The following EBF1 variants were observed in gnomAD, a reference collection of about 807,000 sequenced individuals.
The protein encoded by EBF1 is EBF transcription factor 1.
Under a neutral mutation model 68.4 loss-of-function variants are expected in EBF1, and 10 were observed. The observed-to-expected ratio is 0.15, with a 90% CI of 0.09 to 0.25. The LOEUF (loss-of-function observed/expected upper bound fraction) is 0.25, where lower values mean the gene tolerates loss of function less well. Among genes scored for constraint, EBF1 ranks in the 10% least tolerant of loss-of-function variants. The probability of loss-of-function intolerance (pLI) is 1.00; values close to 1 mark genes in which losing one functional copy is unlikely to be tolerated. For synonymous variants in EBF1, 298 were observed against 299.8 expected (o/e 0.99, Z 0.06); for missense variants, 509 against 794.4 (o/e 0.64, Z 4.32).
At chr5:158,898,038 A>C (rs1428134751) in intron 6 of EBF1, among the ~76,000 whole-genome samples, 1 of 152,212 alleles carries the variant, frequency 6.6e-6, no homozygotes, top group Non-Finnish European at 1.5e-5. Flanking sequence ...ACTGTGTAAA[A>C]GGGAATCTTT....
At chr5:158,804,554 C>A (rs1300862709) in intron 8 of EBF1, among the ~76,000 whole-genome samples, 1 of 152,090 alleles carries the variant, frequency 6.6e-6, no homozygotes, top group East Asian at 1.9e-4. Flanking sequence ...GGTTATTTGA[C>A]AATTTAGCAG....
intron 6 of EBF1, among the ~76,000 whole-genome samples, chr5:158,883,538 G>A (rs752541217): frequency 6.6e-5 from 10 of 152,092 alleles, no homozygotes; most frequent in Non-Finnish European, 1.2e-4. Flanking sequence ...AAAAGGCACT[G>A]TGCTCGCTTG....
At chr5:158,881,918 C>T (rs1048149127) in intron 6 of EBF1, among the ~76,000 whole-genome samples, 3 of 152,188 alleles carry the variant, frequency 2.0e-5, no homozygotes, top group Non-Finnish European at 2.9e-5. Flanking sequence ...ATCTGTCCCC[C>T]ACCTCCCTTC....
intron 10 of EBF1, among the ~76,000 whole-genome samples, chr5:158,756,673 T>C (rs964614911): frequency 2.2e-4 from 33 of 149,932 alleles, no homozygotes; most frequent in African/African-American, 8.2e-4. Flanking sequence ...TGCAGCTGCC[T>C]TTTTTTTTAA....
chr5:159,070,779 T>A (rs1468849625), intron 6 of EBF1, among the ~76,000 whole-genome samples: 2 of 152,234 alleles, frequency 1.3e-5, no homozygotes, highest in African/African-American at 4.8e-5. Flanking sequence ...ATGCATCTTT[T>A]GAAAACAGTT....
intron 6 of EBF1, among the ~76,000 whole-genome samples, chr5:158,904,762 G>A (rs1237213265): frequency 6.6e-6 from 1 of 152,106 alleles, no homozygotes; most frequent in African/African-American, 2.4e-5. Context: ...GTATATTGGT[G>A]ACTTCCCCTT....
At chr5:158,993,556 G>T (rs1452742568) in intron 6 of EBF1, among the ~76,000 whole-genome samples, 2 of 152,164 alleles carry the variant, frequency 1.3e-5, no homozygotes, top group Admixed American at 6.5e-5. Flanking sequence ...GAAAATAGTG[G>T]AATAAATATT....
At chr5:158,843,052 C>G (rs146010085) in intron 6 of EBF1, among the ~76,000 whole-genome samples, 1 of 152,136 alleles carries the variant, frequency 6.6e-6, no homozygotes, top group Admixed American at 6.5e-5. Flanking sequence ...TAAGATTAAT[C>G]GAACTACTAA....
intron 6 of EBF1, among the ~76,000 whole-genome samples, chr5:158,859,528 C>T (rs1008768952): frequency 6.6e-6 from 1 of 152,172 alleles, no homozygotes; most frequent in African/African-American, 2.4e-5. Flanking sequence ...GCTGTGAACA[C>T]CTAGAAGGGG....
At chr5:158,914,751 G>C (rs1014611101) in intron 6 of EBF1, among the ~76,000 whole-genome samples, 6 of 152,190 alleles carry the variant, frequency 3.9e-5, no homozygotes, top group African/African-American at 1.4e-4. Context: ...AGTACCGAGT[G>C]CCAAAAGATG....
At chr5:158,888,289 T>C (rs1220924094) in intron 6 of EBF1, among the ~76,000 whole-genome samples, 1 of 152,092 alleles carries the variant, frequency 6.6e-6, no homozygotes, top group African/African-American at 2.4e-5. Flanking sequence ...TGTGTGTGTT[T>C]GTTGTGTGTA....
intron 7 of EBF1, among the ~76,000 whole-genome samples, chr5:158,829,943 A>G (rs1452159808): frequency 7.9e-5 from 12 of 152,154 alleles, no homozygotes; most frequent in Non-Finnish European, 4.4e-5. Context: ...CCATGTGGAA[A>G]CTCTGGTTAT....
At chr5:158,796,540 G>T in intron 8 of EBF1, 65 bp from the exon 9 acceptor site, 1 of 1,475,234 alleles carries the variant, frequency 6.8e-7, no homozygotes, top group Non-Finnish European at 9.0e-7. Flanking sequence ...TAATGATGAA[G>T]ACTTGAGAAA....
chr5:159,073,211 A>G (rs1471692839), intron 6 of EBF1, among the ~76,000 whole-genome samples, 185 bp downstream of exon 6: 1 of 152,242 alleles, frequency 6.6e-6, no homozygotes, highest in East Asian at 1.9e-4. Flanking sequence ...TCCAAGGAAC[A>G]GGCCTCTAAA....
chr5:158,904,724 C>T (rs1804178973), intron 6 of EBF1, among the ~76,000 whole-genome samples: 1 of 152,184 alleles, frequency 6.6e-6, no homozygotes, highest in African/African-American at 2.4e-5. Flanking sequence ...ACAGAACCGC[C>T]TTCCTCTTAT....
intron 6 of EBF1, among the ~76,000 whole-genome samples, chr5:158,869,358 C>G (rs992883845): frequency 6.6e-6 from 1 of 152,110 alleles, no homozygotes; most frequent in Non-Finnish European, 1.5e-5. Flanking sequence ...TCTGGATACC[C>G]TGAGAGAATA....
intron 10 of EBF1, among the ~76,000 whole-genome samples, chr5:158,770,169 A>G (rs900349524): frequency 1.2e-4 from 18 of 152,100 alleles, no homozygotes; most frequent in African/African-American, 4.3e-4. Context: ...TGGCCCTACC[A>G]TCCCTTAAGT....
intron 13 of EBF1, among the ~76,000 whole-genome samples, 168 bp downstream of exon 13, chr5:158,712,802 C>T (rs1186045208): frequency 2.6e-5 from 4 of 152,116 alleles, no homozygotes; most frequent in East Asian, 1.9e-4. Flanking sequence ...TTAGATTACC[C>T]GAATGATAGC....
chr5:158,804,039 G>T (rs1052519023), intron 8 of EBF1, among the ~76,000 whole-genome samples: 5 of 143,824 alleles, frequency 3.5e-5, no homozygotes, highest in Non-Finnish European at 7.6e-5. Context: ...CTCCATACTA[G>T]ATGCAATTAA....
Sources: gnomAD v4.1 joint callset for allele counts (sites outside exome capture counted in the v4.1 genomes callset) on GRCh38, gnomAD v4.1.1 for gene constraint, MANE v1.5 for transcripts, NCBI Gene and HGNC (gene_info 2026-07-23, HGNC 2026-07-21) for gene names.